The following GPI variants were observed in gnomAD, a reference collection of about 807,000 sequenced individuals.
GPI encodes the protein glucose-6-phosphate isomerase.
In GPI, 56 loss-of-function variants were observed where a neutral mutation model predicts 75.8. That is an observed-to-expected ratio of 0.74 (90% CI 0.60 to 0.92). The LOEUF is 0.92. Ranked by LOEUF, GPI falls within the 40% of genes least tolerant of loss-of-function variation. GPI has a pLI of 0.00. For missense variants in GPI, 638 were observed against 741.0 expected (o/e 0.86, Z 1.61); for synonymous variants, 288 against 285.4 (o/e 1.01, Z -0.09).
intron 6 of GPI, 101 bp from the exon 7 acceptor site, chr19:34,378,833 G>A: frequency 1.2e-6 from 1 of 829,156 alleles, no homozygotes; most frequent in Admixed American, 1.8e-5. Flanking sequence ...CTGCTCCATG[G>A]GACAGCTGGG....
upstream of GPI, among the ~76,000 whole-genome samples, chr19:34,362,643 G>A (rs541322076): frequency 1.3e-5 from 2 of 152,154 alleles, no homozygotes; most frequent in Non-Finnish European, 2.9e-5. Flanking sequence ...AAAGGGAATC[G>A]TTGGTTTACA....
At chr19:34,371,301 G>A (rs996683013) in intron 4 of GPI, among the ~76,000 whole-genome samples, 2 of 152,218 alleles carry the variant, frequency 1.3e-5, no homozygotes, top group African/African-American at 2.4e-5. Context: ...GGGTGAAGAC[G>A]TTCACTGTGA....
rs777692828 is a variant in GPI, at chr19:34,399,263, G to C, written c.1326G>C (p.Thr442=). 1 of 1,613,964 alleles carries C rather than the reference G, an allele frequency of 6.2e-7. No homozygotes were observed. The highest frequency in any genetic ancestry group is 2.2e-5 in the East Asian group (1 of 44,872). The change falls in exon 15 of 18, where the codon ACG becomes ACC. Residue 442 remains threonine, a synonymous_variant. Transcript: ENST00000356487. ...QTEALMRGKS[T]EEARKELQAA... ...AGGCCCTGATGAGGGGAAAATCGAC[G>C]GAGGAGGCCCGAAAGGAGCTCCAGG...
At chr19:34,368,973 C>G (rs748605084) in intron 4 of GPI, among the ~76,000 whole-genome samples, 1 of 151,990 alleles carries the variant, frequency 6.6e-6, no homozygotes, top group Non-Finnish European at 1.5e-5. Context: ...CTCATGGTGA[C>G]AAACCACAGA....
At chr19:34,387,821 G>A (rs1228866319) in intron 9 of GPI, among the ~76,000 whole-genome samples, 1 of 152,194 alleles carries the variant, frequency 6.6e-6, no homozygotes, top group African/African-American at 2.4e-5. Context: ...GGCTTGTTAG[G>A]TGAAGTGGGT....
At chr19:34,389,680 G>A (rs1030613632) in intron 9 of GPI, among the ~76,000 whole-genome samples, 1 of 152,162 alleles carries the variant, frequency 6.6e-6, no homozygotes, top group Non-Finnish European at 1.5e-5. Flanking sequence ...TGTTATGGCT[G>A]CTGGAATGCT....
At chr19:34,366,745 T>G in intron 2 of GPI, 38 bp from the exon 3 acceptor site, 1 of 1,480,686 alleles carries the variant, frequency 6.8e-7, no homozygotes, top group Non-Finnish European at 9.4e-7. Context: ...GGGTGGCCAG[T>G]GTGGGTGGGA....
intron 9 of GPI, among the ~76,000 whole-genome samples, chr19:34,386,255 G>C (rs560207828): frequency 2.0e-5 from 3 of 151,828 alleles, no homozygotes; most frequent in South Asian, 2.1e-4. Flanking sequence ...TAGCCTTTCA[G>C]GTGTGGTCTG....
At chr19:34,376,373 C>T (rs1040296140) in intron 4 of GPI, among the ~76,000 whole-genome samples, 10 of 151,732 alleles carry the variant, frequency 6.6e-5, no homozygotes, top group African/African-American at 2.4e-4. Context: ...GTGGCCAACA[C>T]GGCGAAACCC....
intron 9 of GPI, among the ~76,000 whole-genome samples, chr19:34,385,032 CAAAA>C (rs745653788): frequency 6.2e-5 from 4 of 64,630 alleles, no homozygotes; most frequent in Admixed American, 3.5e-4. Flanking sequence ...AGACTATCTC[CAAAA>C]AAAAAAAAAA....
intron 9 of GPI, among the ~76,000 whole-genome samples, chr19:34,384,447 T>A (rs1008080979): frequency 6.6e-6 from 1 of 152,090 alleles, no homozygotes; most frequent in Non-Finnish European, 1.5e-5. Context: ...GTGTTAAGCA[T>A]GGTGGGTAGA....
In GPI at chr19:34,402,104, C is replaced by T. The variant is rs117782236; in HGVS notation, c.*2068C>T. 0.041 allele frequency: 6,188 copies of T among 151,444 alleles called. 186 individuals are homozygous for T. The highest frequency in any genetic ancestry group is 0.11 in the Admixed American group (1,653 of 15,240). The allele number at this position is 151,444 out of a possible 1,614,324, so 9.4% of individuals were successfully genotyped here. On this transcript the variant is annotated 3_prime_UTR_variant, in exon 18 of 18. Coordinates refer to ENST00000356487, the MANE Select transcript of GPI (RefSeq NM_000175.5). The stretch of plus-strand genomic sequence containing the variant: ...GATTACAGGCGTGAGTCACCGCGCC[C>T]GGCTCATTTTAAAATTTTTGTAGAT...
rs138027818 is a variant in GPI, at chr19:34,394,811, T to C, written c.1062+745T>C. On this transcript the variant is annotated intron_variant, in intron 12 of 17. Coordinates refer to ENST00000356487, the MANE Select transcript of GPI (RefSeq NM_000175.5). Reference sequence around the variant, plus strand: ...TCATTGCAACCTCCGCTTCCTGAGTTCAAGCAATTCCTGTGCCTCAGCCTC... The same window carrying C: ...TCATTGCAACCTCCGCTTCCTGAGTCCAAGCAATTCCTGTGCCTCAGCCTC... Among the ~76,000 whole-genome samples the C allele has an allele frequency of 9.9e-5, 15 of 152,212 alleles. No individual in the cohort carries two copies. The East Asian group carries it at 2.9e-3, about 29-fold the overall frequency.
Position 34,377,747 on chromosome 19 carries a change from G to A in GPI, c.499G>A (p.Val167Met), listed in dbSNP as rs747995651. 6 of 1,614,032 alleles carry A rather than the reference G, an allele frequency of 3.7e-6. No homozygotes were observed. Among genetic ancestry groups the A allele is most frequent in the Non-Finnish European group, 5.1e-6 (6 of 1,179,976 alleles). ...IGGSDLGPLM[V>M]TEALKPYSSG... Reference sequence around the variant, plus strand: ...TGTCTCCCCGCAGGGACCCCTCATGGTGACTGAAGCCCTTAAGCCATACTC... The same window carrying A: ...TGTCTCCCCGCAGGGACCCCTCATGATGACTGAAGCCCTTAAGCCATACTC... Residue 167 changes from valine to methionine, a missense_variant, in exon 6 of 18, where the codon GTG (valine) becomes ATG (methionine). Physicochemically the swap from Val to Met is conservative, Grantham distance 21 (BLOSUM62 1). Transcript: ENST00000356487.
chr19:34,393,639 A>G lies in GPI; in HGVS notation c.866-89A>G. On this transcript the variant is annotated intron_variant, in intron 10 of 17. Transcript: ENST00000356487. This position sits in a 1 kb window ranked among gnomAD's most constrained non-coding sequence, Gnocchi z 4.4. ...TGTCGTATCTTCTGGCTCTCCATGC[A>G]GCCTTCCTTCGTTGCAGAAGGAGCT... is the stretch of plus-strand genomic sequence containing the variant. The G allele has an allele frequency of 7.8e-7, 1 of 1,286,534 alleles. No individual in the cohort carries two copies. Among genetic ancestry groups the G allele is most frequent in the East Asian group, 2.3e-5 (1 of 43,408 alleles). 79.7% of individuals were successfully genotyped at this position (1,286,534 alleles called of 1,614,324 possible). A position where few individuals can be genotyped will look rare whatever the true frequency, so the allele number is the denominator to read the frequency against.
intron 9 of GPI, among the ~76,000 whole-genome samples, chr19:34,384,739 G>C (rs2074706787): frequency 6.6e-6 from 1 of 152,132 alleles, no homozygotes; most frequent in South Asian, 2.1e-4. Flanking sequence ...GATTTCCCAG[G>C]TGGTGTCAAG....
chr19:34,402,224 G>A lies in GPI; in HGVS notation c.*2188G>A, dbSNP rs757096785. ...CTGAGGCCAGAGAATAGGGTCTGGA[G>A]ACAAAGGAGCATTCACTTCAGCCTC... On this transcript the variant is annotated 3_prime_UTR_variant, in exon 18 of 18. Coordinates refer to ENST00000356487, the MANE Select transcript of GPI (RefSeq NM_000175.5). 1.3e-4 allele frequency: 20 copies of A among 152,188 alleles called. No homozygotes were observed. Among genetic ancestry groups the A allele is most frequent in the Non-Finnish European group, 2.2e-4 (15 of 68,050 alleles). 9.4% of individuals were successfully genotyped at this position (152,188 alleles called of 1,614,324 possible).
In GPI at chr19:34,392,880, C is replaced by T. The variant is rs950315663; in HGVS notation, c.805-368C>T. On this transcript the variant is annotated intron_variant, in intron 9 of 17. Coordinates refer to ENST00000356487, the MANE Select transcript of GPI (RefSeq NM_000175.5). ...ACAGGTATGAGGCCTGGGGTCTGTCCGTGTCTGAGGAGGTGGGCCCTGGCG... is the reference window on the plus strand; with the variant it reads ...ACAGGTATGAGGCCTGGGGTCTGTCTGTGTCTGAGGAGGTGGGCCCTGGCG... The T allele has an allele frequency of 1.3e-4, 30 of 230,860 alleles. No individual in the cohort carries two copies. In the East Asian group the frequency reaches 1.6e-3, roughly 12 times the overall value. 14.3% of individuals were successfully genotyped at this position (230,860 alleles called of 1,614,324 possible). A position where few individuals can be genotyped will look rare whatever the true frequency, so the allele number is the denominator to read the frequency against.
chr19:34,392,440 G>A lies in GPI; in HGVS notation c.805-808G>A, dbSNP rs545235401. ...AGACCTGAGTCTGTCAGTGTCTGAA[G>A]TGGTTGGATCTGGCCCTGGTATGAG... On this transcript the variant is annotated intron_variant, in intron 9 of 17. Transcript: ENST00000356487. 3 of 68,102 alleles carry A rather than the reference G, an allele frequency of 4.4e-5. No homozygotes were observed. The East Asian group carries it at 1.4e-3, about 32-fold the overall frequency. 4.2% of individuals were successfully genotyped at this position (68,102 alleles called of 1,614,324 possible). A position where few individuals can be genotyped will look rare whatever the true frequency, so the allele number is the denominator to read the frequency against.
Sources: gnomAD v4.1 joint callset for allele counts (sites outside exome capture counted in the v4.1 genomes callset) on GRCh38, gnomAD v4.1.1 for gene constraint, Gnocchi (gnomAD v3.1) non-coding constraint, MANE v1.5 for transcripts, NCBI Gene and HGNC (gene_info 2026-07-23, HGNC 2026-07-21) for gene names.